Variants in EYS observed in about 807,000 individuals in gnomAD.
The protein encoded by EYS is EGF-like photoreceptor maintenance factor.
Under a neutral mutation model 282.1 loss-of-function variants are expected in EYS, and 250 were observed. That is an observed-to-expected ratio of 0.89 (90% CI 0.80 to 0.98). EYS has a LOEUF of 0.98. Ranked by LOEUF, EYS falls within the 50% of genes least tolerant of loss-of-function variation. The pLI, the probability that EYS is intolerant of heterozygous loss-of-function variation, is 0.00. For missense variants in EYS, 4,016 were observed against 3,709.0 expected (o/e 1.08, Z -2.15); for synonymous variants, 1,355 against 1,282.9 (o/e 1.06, Z -1.20).
chr6:65,292,955 C>A (rs1768566858), intron 12 of EYS, among the ~76,000 whole-genome samples: 1 of 151,516 alleles, frequency 6.6e-6, no homozygotes, highest in Non-Finnish European at 1.5e-5. Context: ...AAGGAGTTTG[C>A]TTTAGGATAG....
At chr6:64,667,110 A>G (rs1321017135) in intron 22 of EYS, among the ~76,000 whole-genome samples, 1 of 151,424 alleles carries the variant, frequency 6.6e-6, no homozygotes, top group East Asian at 1.9e-4. Context: ...AACTTTCCCT[A>G]TATCCTCACT....
At chr6:64,235,551 T>G (rs9451161) in intron 30 of EYS, among the ~76,000 whole-genome samples, 31 of 152,084 alleles carry the variant, frequency 2.0e-4, no homozygotes, top group Non-Finnish European at 4.0e-4. Flanking sequence ...AAAAAATATA[T>G]GTGTGCATGT....
chr6:64,430,087 C>G (rs896376419), intron 28 of EYS, among the ~76,000 whole-genome samples: 2 of 152,174 alleles, frequency 1.3e-5, no homozygotes, highest in South Asian at 4.1e-4. Context: ...TATTCCCGCT[C>G]TAATTGACAC....
In EYS at chr6:64,591,775, G is replaced by C; in HGVS notation, c.4092C>G (p.Asp1364Glu). ...TAGGCATATGTGATACCGATGTTTT[G>C]TCCTGGACAATTTGTGCTGGGTCAC... ...GIRDPAQIVQ[D>E]KTSVSHMPIR... Residue 1364 changes from aspartate to glutamate, a missense_variant, in exon 26 of 43, where the codon GAC (aspartate) becomes GAG (glutamate). Asp to Glu is a conservative substitution (Grantham distance 45). Coordinates refer to ENST00000503581, the MANE Select transcript of EYS (RefSeq NM_001142800.2). The C allele has an allele frequency of 1.3e-6, 2 of 1,551,330 alleles. No individual in the cohort carries two copies. Among genetic ancestry groups the C allele is most frequent in the Non-Finnish European group, 8.7e-7 (1 of 1,146,744 alleles).
chr6:64,569,908 C>G (rs570227328), intron 26 of EYS, among the ~76,000 whole-genome samples: 2 of 152,266 alleles, frequency 1.3e-5, no homozygotes, highest in African/African-American at 4.8e-5. Context: ...CCTGGCAAGA[C>G]AGTCCAACAT....
intron 26 of EYS, among the ~76,000 whole-genome samples, chr6:64,492,081 A>G (rs977219898): frequency 1.3e-5 from 2 of 151,222 alleles, no homozygotes; most frequent in Non-Finnish European, 3.0e-5. Context: ...AATTTGAAGT[A>G]ATTTTTGTAT....
At chr6:63,754,739 T>C (rs1472916250) in intron 41 of EYS, among the ~76,000 whole-genome samples, 1 of 152,220 alleles carries the variant, frequency 6.6e-6, no homozygotes, top group Admixed American at 6.5e-5. Context: ...ATGGTATTTC[T>C]AGTTCTAGAT....
At chr6:64,453,643 G>A (rs1775448559) in intron 26 of EYS, among the ~76,000 whole-genome samples, 1 of 152,136 alleles carries the variant, frequency 6.6e-6, no homozygotes, top group African/African-American at 2.4e-5. Context: ...TTAAGAAAAT[G>A]TGTCACATTT....
chr6:64,346,064 G>A (rs1233364250), intron 29 of EYS, among the ~76,000 whole-genome samples: 1 of 152,034 alleles, frequency 6.6e-6, no homozygotes, highest in African/African-American at 2.4e-5. Flanking sequence ...AGGTGCTGGA[G>A]AGGATGTGGA....
intron 33 of EYS, among the ~76,000 whole-genome samples, chr6:64,012,620 C>CT (rs1768691111): frequency 1.3e-5 from 2 of 152,134 alleles, no homozygotes; most frequent in Admixed American, 1.3e-4. Flanking sequence ...TACAGCTTTC[C>CT]TTACCACTTC....
chr6:64,663,491 A>G (rs1271525345), intron 22 of EYS, among the ~76,000 whole-genome samples: 2 of 152,216 alleles, frequency 1.3e-5, no homozygotes, highest in African/African-American at 2.4e-5. Flanking sequence ...TCTTGCTTAT[A>G]AGACAAAGCT....
rs556020001 is a variant in EYS at position 64,798,436 on chromosome 6, A to G, written c.3443+14942T>C. On this transcript the variant is annotated intron_variant, in intron 22 of 42. Transcript: ENST00000503581. ...TGTTTTAAGTTACTTTAAGCTTTTA[A>G]TTCTTGAAATGTGATTAGATTAATC... 3.3e-5 allele frequency among the ~76,000 whole-genome samples: 5 copies of G among 151,940 alleles called. No individual in the cohort carries two copies. The South Asian group carries it at 1.0e-3, about 32-fold the overall frequency.
chr6:64,898,224 A>C (rs1767536377), intron 18 of EYS, among the ~76,000 whole-genome samples: 1 of 152,200 alleles, frequency 6.6e-6, no homozygotes, highest in South Asian at 2.1e-4. Context: ...GGTTATCTAC[A>C]AAGGGAGCCC....
chr6:64,872,927 T>C (rs1766638142), intron 19 of EYS, among the ~76,000 whole-genome samples: 2 of 151,962 alleles, frequency 1.3e-5, no homozygotes, highest in African/African-American at 4.8e-5. Flanking sequence ...GCTCACATGA[T>C]TAAATTTGTT....
At chr6:65,649,174 T>G (rs1271274598) in intron 1 of EYS, among the ~76,000 whole-genome samples, 1 of 150,262 alleles carries the variant, frequency 6.7e-6, no homozygotes, top group Non-Finnish European at 1.5e-5. Flanking sequence ...AAAGAAAAAC[T>G]TAAACAATAA....
intron 12 of EYS, among the ~76,000 whole-genome samples, chr6:65,168,754 T>G (rs1009623098): frequency 6.6e-6 from 1 of 151,394 alleles, no homozygotes; most frequent in African/African-American, 2.4e-5. Context: ...TTTGAGGTTT[T>G]CAACTTCTTT....
At chr6:65,397,630 GTA>G (rs1766337588) in intron 7 of EYS, among the ~76,000 whole-genome samples, 2 of 110,616 alleles carry the variant, frequency 1.8e-5, no homozygotes, top group Non-Finnish European at 3.9e-5. Flanking sequence ...GTGTGTGTGT[GTA>G]TCATGTTTTT....
intron 2 of EYS, among the ~76,000 whole-genome samples, chr6:65,518,745 G>A (rs1767234803): frequency 6.6e-6 from 1 of 152,098 alleles, no homozygotes; most frequent in Non-Finnish European, 1.5e-5. Flanking sequence ...GAGGTTTAAT[G>A]GACTCACAGT....
At chr6:65,538,335 A>G (rs921097078) in intron 2 of EYS, among the ~76,000 whole-genome samples, 5 of 152,136 alleles carry the variant, frequency 3.3e-5, no homozygotes, top group African/African-American at 1.2e-4. Context: ...AAGGTTGTCA[A>G]TTGAGAATCT....
Sources: gnomAD v4.1 joint callset for allele counts (sites outside exome capture counted in the v4.1 genomes callset) on GRCh38, gnomAD v4.1.1 for gene constraint, MANE v1.5 for transcripts, NCBI Gene and HGNC (gene_info 2026-07-23, HGNC 2026-07-21) for gene names.